Variants in NPHP4 observed in about 807,000 individuals in gnomAD.
NPHP4 encodes the protein nephrocystin 4.
Under a neutral mutation model 155.8 loss-of-function variants are expected in NPHP4, and 151 were observed. That is an observed-to-expected ratio of 0.97 (90% CI 0.85 to 1.11). The LOEUF (loss-of-function observed/expected upper bound fraction) is 1.11, where lower values mean the gene tolerates loss of function less well. Among genes scored for constraint, NPHP4 ranks in the 50% least tolerant of loss-of-function variants. The pLI, the probability that NPHP4 is intolerant of heterozygous loss-of-function variation, is 0.00. For synonymous variants in NPHP4, 845 were observed against 816.8 expected (o/e 1.03, Z -0.59); for missense variants, 1,956 against 1,925.7 (o/e 1.02, Z -0.29).
intron 11 of NPHP4, among the ~76,000 whole-genome samples, chr1:5,918,581 A>G (rs1387972738): frequency 6.6e-6 from 1 of 152,232 alleles, no homozygotes; most frequent in African/African-American, 2.4e-5. Context: ...GTAACAGCTG[A>G]TTCTTTGAAG....
At chr1:5,872,029 T>G (rs1327146713) in intron 23 of NPHP4, among the ~76,000 whole-genome samples, 1 of 152,216 alleles carries the variant, frequency 6.6e-6, no homozygotes, top group Non-Finnish European at 1.5e-5. Context: ...TGAAAAGAAA[T>G]CTTACCTGAA....
At chr1:5,976,351 T>A (rs1653573876) in intron 3 of NPHP4, among the ~76,000 whole-genome samples, 1 of 152,078 alleles carries the variant, frequency 6.6e-6, no homozygotes, top group Admixed American at 6.6e-5. Flanking sequence ...GGGAAGCGCC[T>A]CCCGGTGAAG....
At chr1:5,967,250 G>C in intron 5 of NPHP4, 49 bp downstream of exon 5, 1 of 1,425,818 alleles carries the variant, frequency 7.0e-7, no homozygotes, top group Non-Finnish European at 9.7e-7. Flanking sequence ...GAACACTCAG[G>C]GAAGGCACGA....
At position 5,867,647 on chromosome 1, in the gene NPHP4, G is replaced by A. The variant is rs1570064932; in HGVS notation, c.3472+93C>T. The A allele has an allele frequency of 7.4e-7, 1 of 1,343,728 alleles. No individual in the cohort carries two copies. Among genetic ancestry groups the A allele is most frequent in the Non-Finnish European group, 1.0e-6 (1 of 967,786 alleles). The allele number at this position is 1,343,728 out of a possible 1,614,324, so 83.2% of individuals were successfully genotyped here. ...TGCTGCTCTGACAGCACCAGGGCAT[G>A]AAGCCATGAGGCCATCTGTCACCCT... On this transcript the variant is annotated intron_variant, in intron 24 of 29. Coordinates refer to ENST00000378156, the MANE Select transcript of NPHP4 (RefSeq NM_015102.5). This position sits in a 1 kb window ranked among gnomAD's most constrained non-coding sequence, Gnocchi z 4.1.
chr1:5,969,285 T>A, intron 3 of NPHP4, 26 bp from the exon 4 acceptor site: 1 of 1,494,838 alleles, frequency 6.7e-7, no homozygotes, highest in Non-Finnish European at 9.0e-7. Flanking sequence ...CAGAGGATGG[T>A]CTGAGTGTTC....
intron 5 of NPHP4, among the ~76,000 whole-genome samples, chr1:5,965,011 G>A (rs1309911717): frequency 7.3e-6 from 1 of 136,836 alleles, no homozygotes; most frequent in Non-Finnish European, 1.5e-5. Context: ...ATGGCTCACT[G>A]CAGCCTAAAA....
At chr1:5,930,987 G>A (rs1037816879) in intron 10 of NPHP4, among the ~76,000 whole-genome samples, 1 of 152,088 alleles carries the variant, frequency 6.6e-6, no homozygotes, top group African/African-American at 2.4e-5. Context: ...TTATGTCTTG[G>A]CAACTGACCC....
chr1:5,883,325 C>A (rs1643478739), intron 18 of NPHP4, among the ~76,000 whole-genome samples: 1 of 152,104 alleles, frequency 6.6e-6, no homozygotes, highest in South Asian at 2.1e-4. Flanking sequence ...ACGCTCCGGG[C>A]CACGCTGCCC....
At chr1:5,902,997 T>G (rs1644750174) in intron 16 of NPHP4, among the ~76,000 whole-genome samples, 1 of 152,244 alleles carries the variant, frequency 6.6e-6, no homozygotes, top group Non-Finnish European at 1.5e-5. Flanking sequence ...GGGTGATGCC[T>G]GCTTGGTGAG....
At position 5,864,300 on chromosome 1, in the gene NPHP4, C is replaced by T. The variant is rs759279846; in HGVS notation, c.3996+38G>A. ...GTCCTGCAGTGCCCTGGTATTGAGC[C>T]CCCATCCCCTCAGCCTGTGCCTGCC... is the stretch of plus-strand genomic sequence containing the variant. On this transcript the variant is annotated intron_variant, in intron 28 of 29. Transcript: ENST00000378156. The T allele has an allele frequency of 3.2e-6, 5 of 1,547,870 alleles. No homozygotes were observed. In the African/African-American group the frequency reaches 5.5e-5, roughly 17 times the overall value.
chr1:5,866,962 G>C, intron 25 of NPHP4, 68 bp downstream of exon 25: 1 of 1,218,230 alleles, frequency 8.2e-7, no homozygotes. Flanking sequence ...GATACCCGTG[G>C]GGAAGCCGAC....
rs557088290 is a variant in NPHP4 at position 5,894,839 on chromosome 1, T to C, written c.2144-3811A>G. On this transcript the variant is annotated intron_variant, in intron 16 of 29. Coordinates refer to ENST00000378156, the MANE Select transcript of NPHP4 (RefSeq NM_015102.5). ...TAAAATTCTTCAGAAAGACACACAGTAGAAATGAACAGATGGAAAGGCAGC... is the reference window on the plus strand; with the variant it reads ...TAAAATTCTTCAGAAAGACACACAGCAGAAATGAACAGATGGAAAGGCAGC... Among the ~76,000 whole-genome samples, 10 of 152,148 alleles carry C rather than the reference T, an allele frequency of 6.6e-5. 1 individual carries two copies. The South Asian group carries it at 1.9e-3, about 28-fold the overall frequency.
At chr1:5,866,972 CA>C in intron 25 of NPHP4, 57 bp downstream of exon 25, 2 of 1,360,022 alleles carry the variant, frequency 1.5e-6, no homozygotes, top group Non-Finnish European at 2.1e-6. Flanking sequence ...GGGAAGCCGA[CA>C]GGGGCGCAGA....
At chr1:5,922,509 T>C (rs1645793301) in intron 11 of NPHP4, among the ~76,000 whole-genome samples, 1 of 152,170 alleles carries the variant, frequency 6.6e-6, no homozygotes, top group Non-Finnish European at 1.5e-5. Flanking sequence ...CCTCCCTCCT[T>C]CTTCAAAATT....
At chr1:5,887,004 C>T (rs929639206) in intron 18 of NPHP4, 3 of 416,426 alleles carry the variant, frequency 7.2e-6, no homozygotes, top group Non-Finnish European at 1.3e-5. Context: ...TGAGGACTGT[C>T]CCGGAGATCC....
chr1:5,944,878 G>A lies in NPHP4; in HGVS notation c.1119+2226C>T, dbSNP rs769656000. Reference sequence around the variant, plus strand: ...CCAGCTACTCAGGAGACTGAGGCAGGAGAGTCACTTGAACCCAGGAGGCGG... The same window carrying A: ...CCAGCTACTCAGGAGACTGAGGCAGAAGAGTCACTTGAACCCAGGAGGCGG... On this transcript the variant is annotated intron_variant, in intron 9 of 29. Transcript: ENST00000378156. This position sits in a 1 kb window ranked among gnomAD's most constrained non-coding sequence, Gnocchi z 4.3. 6.6e-6 allele frequency among the ~76,000 whole-genome samples: 1 copy of A among 152,138 alleles called. No homozygotes were observed. The highest frequency in any genetic ancestry group is 2.4e-5 in the African/African-American group (1 of 41,426).
At position 5,905,434 on chromosome 1, in the gene NPHP4, C is replaced by T. The variant is rs201282741; in HGVS notation, c.1813G>A (p.Gly605Ser). The T allele has an allele frequency of 3.7e-4, 599 of 1,611,514 alleles. No homozygotes were observed. Among genetic ancestry groups the T allele is most frequent in the Non-Finnish European group, 4.8e-4 (569 of 1,177,934 alleles). Residue 605 changes from glycine to serine, a missense_variant, in exon 15 of 30, where the codon GGC becomes AGC. Transcript: ENST00000378156. The surrounding 1 kb of genome is among the most constrained non-coding windows in gnomAD (Gnocchi z 4.0). Reference sequence around the variant, plus strand: ...TTGGCATCCAGAATCTCGGGAAAGCCGGAGGACTGCAGGAGCACCATGGAG... The same window carrying T: ...TTGGCATCCAGAATCTCGGGAAAGCTGGAGGACTGCAGGAGCACCATGGAG... ...RASMVLLQSS[G>S]FPEILDANKQ...
chr1:5,964,853 A>G (rs959531518), intron 5 of NPHP4, among the ~76,000 whole-genome samples: 7 of 146,150 alleles, frequency 4.8e-5, no homozygotes, highest in African/African-American at 1.3e-4. Context: ...TTATATGTAT[A>G]TATTTTATAT....
intron 18 of NPHP4, chr1:5,880,848 T>C (rs1643209837): frequency 6.5e-6 from 1 of 153,792 alleles, no homozygotes; most frequent in East Asian, 1.9e-4. Flanking sequence ...CGGCACACTC[T>C]CCTGCAAGGA....
Sources: allele counts gnomAD v4.1 joint callset (sites outside exome capture counted in the v4.1 genomes callset), GRCh38; gene constraint gnomAD v4.1.1; non-coding constraint Gnocchi (gnomAD v3.1); transcripts MANE v1.5; gene names NCBI Gene and HGNC (gene_info 2026-07-23, HGNC 2026-07-21).